The following GPR176 variants were observed in gnomAD, a reference collection of about 807,000 sequenced individuals.
GPR176 encodes G protein-coupled receptor 176.
Under a neutral mutation model 35.4 loss-of-function variants are expected in GPR176, and 26 were observed. That is an observed-to-expected ratio of 0.74 (90% CI 0.54 to 1.02). The LOEUF is 1.02. GPR176 is among the 50% of genes least tolerant of loss of function. The pLI is 0.00. For missense variants in GPR176, 597 were observed against 665.3 expected, an observed-to-expected ratio of 0.90 and a Z score of 1.13; for synonymous variants, 278 against 271.3, an observed-to-expected ratio of 1.02 and a Z score of -0.24.
chr15:39,886,576 G>C (rs1288234965), intron 1 of GPR176, among the ~76,000 whole-genome samples: 1 of 152,166 alleles, frequency 6.6e-6, no homozygotes, highest in Non-Finnish European at 1.5e-5. Context: ...TTAATGAGTT[G>C]AGAGAATCCA....
At chr15:39,854,536 C>T (rs2031081862) in intron 1 of GPR176, among the ~76,000 whole-genome samples, 3 of 152,162 alleles carry the variant, frequency 2.0e-5, no homozygotes, top group Admixed American at 2.0e-4. Context: ...TGTTCCCTGA[C>T]ATAGTCTTAG....
intron 1 of GPR176, among the ~76,000 whole-genome samples, chr15:39,860,619 C>T (rs2031528389): frequency 6.6e-6 from 1 of 152,134 alleles, no homozygotes; most frequent in Admixed American, 6.5e-5. Flanking sequence ...CCATGATTGG[C>T]TAAATCAGGG....
chr15:39,876,473 G>T lies in GPR176; in HGVS notation c.172+43382C>A, dbSNP rs78768036. On this transcript the variant is annotated intron_variant, in intron 1 of 2. Transcript: ENST00000561100. ...CTTGCATACAAGATCAGTATGAGCT[G>T]CAATTCTCAAAGTGGTGTTCTACCA... Among the ~76,000 whole-genome samples the T allele has an allele frequency of 3.0e-3, 457 of 151,954 alleles. 5 individuals carry two copies. The East Asian group carries it at 0.032, about 11-fold the overall frequency.
chr15:39,897,252 T>A (rs908371865), intron 1 of GPR176, among the ~76,000 whole-genome samples: 1 of 152,182 alleles, frequency 6.6e-6, no homozygotes, highest in African/African-American at 2.4e-5. Context: ...TTTGCATGCC[T>A]TTCTCCATAA....
At chr15:39,908,067 G>A (rs1310044006) in intron 1 of GPR176, among the ~76,000 whole-genome samples, 1 of 152,164 alleles carries the variant, frequency 6.6e-6, no homozygotes, top group African/African-American at 2.4e-5. Context: ...TGCTGATTTG[G>A]GACAGTTGCC....
At chr15:39,843,179 G>C (rs886868888) in intron 1 of GPR176, among the ~76,000 whole-genome samples, 1 of 152,050 alleles carries the variant, frequency 6.6e-6, no homozygotes, top group African/African-American at 2.4e-5. Flanking sequence ...AATAAGAGTG[G>C]CTGTCATGTG....
At chr15:39,913,121 A>T (rs998529728) in intron 1 of GPR176, among the ~76,000 whole-genome samples, 1 of 152,250 alleles carries the variant, frequency 6.6e-6, no homozygotes, top group African/African-American at 2.4e-5. Flanking sequence ...ATGATTCAGC[A>T]ATAAAAAATA....
chr15:39,862,332 T>G (rs757686741), intron 1 of GPR176: 1 of 152,212 alleles, frequency 6.6e-6, no homozygotes, highest in Non-Finnish European at 1.5e-5. Flanking sequence ...TCCTACCTGA[T>G]GAAATAAGTG....
chr15:39,891,053 A>T (rs1368704952), intron 1 of GPR176, among the ~76,000 whole-genome samples: 1 of 152,146 alleles, frequency 6.6e-6, no homozygotes, highest in Non-Finnish European at 1.5e-5. Flanking sequence ...CTATGTAACA[A>T]TGATGATAAT....
intron 1 of GPR176, among the ~76,000 whole-genome samples, chr15:39,914,566 T>C (rs887224033): frequency 4.6e-5 from 7 of 152,160 alleles, no homozygotes; most frequent in Admixed American, 1.3e-4. Flanking sequence ...CGCCTTGGCC[T>C]CCCAAAGTGC....
chr15:39,891,752 C>G (rs142411547), intron 1 of GPR176, among the ~76,000 whole-genome samples: 274 of 152,190 alleles, frequency 1.8e-3, no homozygotes, highest in African/African-American at 6.3e-3. Context: ...GGTTGGAGGA[C>G]CACTTAAGCC....
At chr15:39,897,495 T>G (rs1388774311) in intron 1 of GPR176, among the ~76,000 whole-genome samples, 1 of 151,544 alleles carries the variant, frequency 6.6e-6, no homozygotes, top group East Asian at 1.9e-4. Flanking sequence ...TGCCTCACCC[T>G]CCACCTTTCA....
intron 1 of GPR176, among the ~76,000 whole-genome samples, chr15:39,810,548 C>T (rs1263033709): frequency 1.3e-5 from 2 of 152,192 alleles, no homozygotes. Flanking sequence ...ATTGGGAAAT[C>T]GTGTGCATCT....
At chr15:39,914,266 A>T (rs996077642) in intron 1 of GPR176, among the ~76,000 whole-genome samples, 2 of 151,166 alleles carry the variant, frequency 1.3e-5, no homozygotes, top group Non-Finnish European at 2.9e-5. Context: ...TATTGATCCT[A>T]CCACCTCCTG....
At chr15:39,834,149 A>G (rs935433202) in intron 1 of GPR176, among the ~76,000 whole-genome samples, 1 of 152,190 alleles carries the variant, frequency 6.6e-6, no homozygotes. Flanking sequence ...GTCCCTAATA[A>G]CAAATCACAG....
chr15:39,908,462 A>G (rs2033483246), intron 1 of GPR176, among the ~76,000 whole-genome samples: 1 of 152,126 alleles, frequency 6.6e-6, no homozygotes, highest in African/African-American at 2.4e-5. Flanking sequence ...TTATCTGCCA[A>G]CAGTACAAAA....
At chr15:39,865,896 A>G (rs900787326) in intron 1 of GPR176, among the ~76,000 whole-genome samples, 24 of 152,224 alleles carry the variant, frequency 1.6e-4, no homozygotes, top group Admixed American at 2.6e-4. Flanking sequence ...CAATATATGA[A>G]ATAGTTATTC....
At chr15:39,816,240 T>G (rs149336663) in intron 1 of GPR176, among the ~76,000 whole-genome samples, 9 of 152,298 alleles carry the variant, frequency 5.9e-5, no homozygotes, top group Non-Finnish European at 1.3e-4. Flanking sequence ...GTAAGCAATA[T>G]ATTATATATT....
Position 39,849,225 on chromosome 15 carries a change from T to C in GPR176, c.173-41967A>G, listed in dbSNP as rs1046494468. Among the ~76,000 whole-genome samples the C allele has an allele frequency of 2.6e-5, 4 of 152,146 alleles. No homozygotes were observed. The East Asian group carries it at 5.8e-4, about 22-fold the overall frequency. On this transcript the variant is annotated intron_variant, in intron 1 of 2. Transcript: ENST00000561100. ...TTGACTATTCCTTAAAAACATAAGC[T>C]ACCACAGCTCACTCAATATGAAACA...
Sources: gnomAD v4.1 joint callset for allele counts (sites outside exome capture counted in the v4.1 genomes callset) on GRCh38, gnomAD v4.1.1 for gene constraint, MANE v1.5 for transcripts, NCBI Gene and HGNC (gene_info 2026-07-23, HGNC 2026-07-21) for gene names.